The following CTNNA2 variants were observed in gnomAD, a reference collection of about 807,000 sequenced individuals.
CTNNA2 encodes the protein catenin alpha-2.
Under a neutral mutation model 101.0 loss-of-function variants are expected in CTNNA2, and 42 were observed. The observed-to-expected ratio is 0.42, with a 90% CI of 0.32 to 0.54. The LOEUF (loss-of-function observed/expected upper bound fraction) is 0.54, where lower values mean the gene tolerates loss of function less well. CTNNA2 is among the 20% of genes least tolerant of loss of function. The pLI is 0.14. For missense variants in CTNNA2, 871 were observed against 1,223.1 expected (o/e 0.71, Z 4.29); for synonymous variants, 450 against 456.4 (o/e 0.99, Z 0.18).
At chr2:80,469,191 G>A (rs1047428770) in intron 9 of CTNNA2, among the ~76,000 whole-genome samples, 1 of 152,106 alleles carries the variant, frequency 6.6e-6, no homozygotes, top group Non-Finnish European at 1.5e-5. Flanking sequence ...CTGAGGTTTT[G>A]GTCATTTTGC....
intron 1 of CTNNA2, among the ~76,000 whole-genome samples, chr2:79,579,237 C>T (rs1675995771): frequency 6.8e-6 from 1 of 148,030 alleles, no homozygotes; most frequent in Admixed American, 6.8e-5. Flanking sequence ...CCTTCCCTTC[C>T]CTTCCTTCCC....
At chr2:80,116,134 C>T (rs1400120220) in intron 7 of CTNNA2, among the ~76,000 whole-genome samples, 1 of 151,854 alleles carries the variant, frequency 6.6e-6, no homozygotes, top group Non-Finnish European at 1.5e-5. Context: ...GTTGCAATTC[C>T]TCAGCAATAT....
At chr2:79,198,794 T>G (rs980223378) in intron 2 of CTNNA2, among the ~76,000 whole-genome samples, 3 of 132,102 alleles carry the variant, frequency 2.3e-5, no homozygotes, top group African/African-American at 8.3e-5. Context: ...TTTTATAAAT[T>G]TATAGTTTTC....
intron 7 of CTNNA2, among the ~76,000 whole-genome samples, chr2:80,018,477 A>G (rs1291579397): frequency 6.6e-6 from 1 of 152,126 alleles, no homozygotes; most frequent in African/African-American, 2.4e-5. Flanking sequence ...GTCAGTAAAT[A>G]TTATAAATCA....
chr2:79,482,260 A>T (rs946419920), intron 4 of CTNNA2, among the ~76,000 whole-genome samples: 3 of 152,184 alleles, frequency 2.0e-5, no homozygotes, highest in Admixed American at 2.0e-4. Context: ...GTCTCAAAGG[A>T]TTAGGAGTTG....
intron 2 of CTNNA2, among the ~76,000 whole-genome samples, chr2:79,716,026 G>GA (rs5832401): frequency 3.3e-4 from 48 of 147,024 alleles, no homozygotes; most frequent in East Asian, 1.2e-3. Context: ...TATAAGGATT[G>GA]AAAAAAAAAA....
chr2:80,419,288 T>C (rs1680304289), intron 8 of CTNNA2, among the ~76,000 whole-genome samples, 161 bp from the exon 9 acceptor site: 1 of 152,194 alleles, frequency 6.6e-6, no homozygotes. Context: ...CCATCAGTCA[T>C]TGGTTTTCCT....
chr2:79,570,718 A>G (rs770342701), intron 1 of CTNNA2, among the ~76,000 whole-genome samples: 4 of 152,182 alleles, frequency 2.6e-5, no homozygotes, highest in Admixed American at 6.6e-5. Flanking sequence ...CTATGTGTTT[A>G]CTAAATTAAA....
At chr2:79,255,328 T>G (rs1187795927) in intron 2 of CTNNA2, among the ~76,000 whole-genome samples, 1 of 152,196 alleles carries the variant, frequency 6.6e-6, no homozygotes, top group African/African-American at 2.4e-5. Context: ...GTTGCCATAT[T>G]TCAGAACAGA....
At chr2:80,154,812 A>G (rs1490194454) in intron 7 of CTNNA2, among the ~76,000 whole-genome samples, 1 of 152,138 alleles carries the variant, frequency 6.6e-6, no homozygotes, top group African/African-American at 2.4e-5. Context: ...CCATTCTCAA[A>G]CTTTTTAATT....
intron 18 of CTNNA2, among the ~76,000 whole-genome samples, chr2:80,622,595 A>T (rs1358817127): frequency 6.6e-6 from 1 of 151,914 alleles, no homozygotes; most frequent in Non-Finnish European, 1.5e-5. Flanking sequence ...TCTCCTTCCC[A>T]TATACTCTTG....
At chr2:80,368,606 A>G (rs1675150788) in intron 7 of CTNNA2, among the ~76,000 whole-genome samples, 1 of 151,998 alleles carries the variant, frequency 6.6e-6, no homozygotes, top group African/African-American at 2.4e-5. Flanking sequence ...TGATTGATCT[A>G]TTTTGTGCAC....
At chr2:80,148,271 G>T (rs1027082862) in intron 7 of CTNNA2, among the ~76,000 whole-genome samples, 1 of 152,198 alleles carries the variant, frequency 6.6e-6, no homozygotes, top group Non-Finnish European at 1.5e-5. Context: ...GATTCAGGGG[G>T]TTACAAAAGT....
chr2:79,825,104 G>C (rs986715213), intron 3 of CTNNA2, among the ~76,000 whole-genome samples: 9 of 152,126 alleles, frequency 5.9e-5, no homozygotes, highest in Admixed American at 5.9e-4. Flanking sequence ...TGGGAAGAAC[G>C]CTTGAGCCCA....
chr2:79,209,007 T>G (rs1335552640), intron 2 of CTNNA2, among the ~76,000 whole-genome samples: 1 of 152,058 alleles, frequency 6.6e-6, no homozygotes, highest in East Asian at 1.9e-4. Context: ...ATGTAGGTAG[T>G]GAATAACCTT....
chr2:79,593,770 C>T (rs1205295905), intron 1 of CTNNA2, among the ~76,000 whole-genome samples: 1 of 152,032 alleles, frequency 6.6e-6, no homozygotes, highest in Non-Finnish European at 1.5e-5. Flanking sequence ...TCTTCCTATA[C>T]CTATGGGATG....
chr2:79,919,194 A>G (rs1191700250), intron 7 of CTNNA2, among the ~76,000 whole-genome samples: 2 of 152,132 alleles, frequency 1.3e-5, no homozygotes, highest in African/African-American at 4.8e-5. Context: ...TGCTGTTGGT[A>G]AACTCTTGAC....
intron 7 of CTNNA2, among the ~76,000 whole-genome samples, chr2:80,290,702 A>G (rs1273290243): frequency 6.6e-6 from 1 of 152,146 alleles, no homozygotes; most frequent in Non-Finnish European, 1.5e-5. Context: ...CCCAAAAATT[A>G]GTACAATTTA....
At chr2:79,354,897 G>T (rs148023442) in intron 3 of CTNNA2, among the ~76,000 whole-genome samples, 8 of 152,122 alleles carry the variant, frequency 5.3e-5, no homozygotes, top group Non-Finnish European at 8.8e-5. Flanking sequence ...TCTCTAAAAA[G>T]AGCTGTTTAA....
Sources: allele counts gnomAD v4.1 joint callset (sites outside exome capture counted in the v4.1 genomes callset), GRCh38; gene constraint gnomAD v4.1.1; transcripts MANE v1.5; gene names NCBI Gene and HGNC (gene_info 2026-07-23, HGNC 2026-07-21).